The following SLC35F2 variants were observed in gnomAD, a reference collection of about 807,000 sequenced individuals.
SLC35F2 encodes queuine/queuosine transporter SLC35F2.
In SLC35F2, 25 loss-of-function variants were observed where a neutral mutation model predicts 38.1. The observed-to-expected ratio is 0.66, with a 90% CI of 0.48 to 0.92. The LOEUF is 0.92. SLC35F2 is among the 40% of genes least tolerant of loss of function. The pLI is 0.00. For synonymous variants in SLC35F2, 173 were observed against 181.7 expected (o/e 0.95, Z 0.38); for missense variants, 409 against 452.9 (o/e 0.90, Z 0.88).
intron 1 of SLC35F2, among the ~76,000 whole-genome samples, chr11:107,816,968 GA>G (rs777292509): frequency 6.6e-6 from 1 of 152,126 alleles, no homozygotes; most frequent in Non-Finnish European, 1.5e-5. Flanking sequence ...AATACTGTGG[GA>G]AACAGCAATA....
intron 1 of SLC35F2, chr11:107,816,205 G>A (rs1344767891): frequency 1.8e-5 from 18 of 984,984 alleles, no homozygotes; most frequent in Middle Eastern, 5.2e-4. Flanking sequence ...CCATTTCACT[G>A]AACATCCATT....
At chr11:107,829,559 G>C (rs1859804532) in intron 1 of SLC35F2, among the ~76,000 whole-genome samples, 1 of 151,514 alleles carries the variant, frequency 6.6e-6, no homozygotes, top group South Asian at 2.1e-4. Context: ...CCAGCCTTTA[G>C]AGCTATATGA....
At chr11:107,847,934 G>A (rs919457995) in intron 1 of SLC35F2, among the ~76,000 whole-genome samples, 1 of 152,104 alleles carries the variant, frequency 6.6e-6, no homozygotes, top group Non-Finnish European at 1.5e-5. Context: ...ACCTCATGTC[G>A]AGAAGACTGA....
At chr11:107,843,081 T>C (rs917821300) in intron 1 of SLC35F2, among the ~76,000 whole-genome samples, 2 of 152,200 alleles carry the variant, frequency 1.3e-5, no homozygotes, top group Non-Finnish European at 2.9e-5. Context: ...GAGCATGATA[T>C]CCTTTTTATA....
At chr11:107,823,049 T>C in intron 1 of SLC35F2, 1 of 587,324 alleles carries the variant, frequency 1.7e-6, no homozygotes, top group South Asian at 7.5e-5. Context: ...TCTTCTTTAT[T>C]TACTATTTCA....
chr11:107,849,198 A>G (rs1443247649), intron 1 of SLC35F2, among the ~76,000 whole-genome samples: 2 of 152,182 alleles, frequency 1.3e-5, no homozygotes, highest in Non-Finnish European at 2.9e-5. Flanking sequence ...ATTTGATGAC[A>G]GCCATTAATA....
At chr11:107,834,700 C>T (rs1048525002) in intron 1 of SLC35F2, among the ~76,000 whole-genome samples, 2 of 152,132 alleles carry the variant, frequency 1.3e-5, no homozygotes, top group Admixed American at 1.3e-4. Context: ...TAGATTTCCA[C>T]AGCCGTAAAA....
intron 6 of SLC35F2, among the ~76,000 whole-genome samples, chr11:107,803,700 T>C (rs181645858): frequency 1.3e-5 from 2 of 152,060 alleles, no homozygotes; most frequent in Non-Finnish European, 2.9e-5. Flanking sequence ...TTTAGGACAG[T>C]GCTTGCCACG....
intron 4 of SLC35F2, chr11:107,806,514 C>T (rs1232700099): frequency 1.1e-5 from 6 of 550,738 alleles, no homozygotes; most frequent in Non-Finnish European, 2.0e-5. Flanking sequence ...ACGTTTAACT[C>T]ACTTGAAGAT....
At chr11:107,794,142 G>A (rs1020135008) in intron 7 of SLC35F2, among the ~76,000 whole-genome samples, 18 of 148,800 alleles carry the variant, frequency 1.2e-4, no homozygotes, top group African/African-American at 4.2e-4. Context: ...GTGCAATGGC[G>A]CAATCTTGGC....
rs11371777 is a variant in SLC35F2 at position 107,792,161 on chromosome 11, CAA to C, written c.*452_*453del. On this transcript the variant is annotated 3_prime_UTR_variant, in exon 8 of 8. Coordinates refer to ENST00000525815, the MANE Select transcript of SLC35F2 (RefSeq NM_017515.5). ...GGCCTGTGGACAATAACTGCCTCAG[CAA>C]AAAAAAAAAAAAAAAAAAACCTTGA... 1.3e-3 allele frequency: 99 copies of C among 78,044 alleles called. No homozygotes were observed. The highest frequency in any genetic ancestry group is 1.6e-3 in the East Asian group (4 of 2,446). The allele number at this position is 78,044 out of a possible 1,614,324, so 4.8% of individuals were successfully genotyped here. A position where few individuals can be genotyped will look rare whatever the true frequency, so the allele number is the denominator to read the frequency against.
chr11:107,807,345 G>A (rs1469256545), intron 3 of SLC35F2, among the ~76,000 whole-genome samples: 1 of 150,682 alleles, frequency 6.6e-6, no homozygotes, highest in Non-Finnish European at 1.5e-5. Flanking sequence ...AGCTACTTGG[G>A]AGGCTAAGGT....
At chr11:107,819,904 T>C (rs1016031384) in intron 1 of SLC35F2, among the ~76,000 whole-genome samples, 8 of 152,124 alleles carry the variant, frequency 5.3e-5, no homozygotes, top group Non-Finnish European at 1.2e-4. Flanking sequence ...AATTCACCCA[T>C]TGTCATACTG....
intron 1 of SLC35F2, among the ~76,000 whole-genome samples, chr11:107,846,323 A>G (rs1860104389): frequency 1.3e-5 from 2 of 152,232 alleles, no homozygotes; most frequent in South Asian, 2.1e-4. Context: ...AGCAGAAAAA[A>G]GTGAATGATG....
At chr11:107,814,055 C>T (rs1290935829) in intron 2 of SLC35F2, among the ~76,000 whole-genome samples, 5 of 152,170 alleles carry the variant, frequency 3.3e-5, no homozygotes, top group African/African-American at 1.2e-4. Context: ...TGTCCTTGTT[C>T]ACTGGATTCA....
At chr11:107,816,988 G>A (rs1026412214) in intron 1 of SLC35F2, among the ~76,000 whole-genome samples, 2 of 152,072 alleles carry the variant, frequency 1.3e-5, no homozygotes, top group Admixed American at 1.3e-4. Context: ...TATTTAAAGG[G>A]CTGGAGAGGC....
chr11:107,847,540 G>A (rs538889236), intron 1 of SLC35F2, among the ~76,000 whole-genome samples: 98 of 152,240 alleles, frequency 6.4e-4, no homozygotes, highest in African/African-American at 2.1e-3. Context: ...TTTCAGATCT[G>A]TGCCAGGCAT....
At chr11:107,805,889 G>A (rs369203044) in intron 4 of SLC35F2, among the ~76,000 whole-genome samples, 5 of 151,934 alleles carry the variant, frequency 3.3e-5, no homozygotes, top group African/African-American at 4.8e-5. Flanking sequence ...CAAGTGATCC[G>A]CTCACCTTGG....
intron 1 of SLC35F2, among the ~76,000 whole-genome samples, chr11:107,828,591 G>A (rs188117917): frequency 9.1e-4 from 138 of 152,074 alleles, no homozygotes; most frequent in Middle Eastern, 6.8e-3. Context: ...TATACCTCAG[G>A]GTAATCAAAG....
Sources: allele counts gnomAD v4.1 joint callset (sites outside exome capture counted in the v4.1 genomes callset), GRCh38; gene constraint gnomAD v4.1.1; transcripts MANE v1.5; gene names NCBI Gene and HGNC (gene_info 2026-07-23, HGNC 2026-07-21).